The following RAPH1 variants were observed in gnomAD, a reference collection of about 807,000 sequenced individuals.
The protein encoded by RAPH1 is ras-associated and pleckstrin homology domains-containing protein 1.
A neutral mutation model predicts 88.1 loss-of-function variants in RAPH1; 18 were observed. The ratio of observed to expected loss-of-function variants is 0.20; its 90% CI spans 0.14 to 0.30. The LOEUF (loss-of-function observed/expected upper bound fraction) is 0.30, where lower values mean the gene tolerates loss of function less well. Among genes scored for constraint, RAPH1 ranks in the 10% least tolerant of loss-of-function variants. The probability of loss-of-function intolerance (pLI) is 1.00; values close to 1 mark genes in which losing one functional copy is unlikely to be tolerated. For synonymous variants in RAPH1, 587 were observed against 559.0 expected, an observed-to-expected ratio of 1.05 and a Z score of -0.71; for missense variants, 1,448 against 1,543.2, an observed-to-expected ratio of 0.94 and a Z score of 1.03.
intron 4 of RAPH1, among the ~76,000 whole-genome samples, chr2:203,486,524 G>A (rs1581339194): frequency 6.6e-6 from 1 of 152,156 alleles, no homozygotes; most frequent in African/African-American, 2.4e-5. Context: ...AAATGGCAAT[G>A]TGTATGTAGA....
chr2:203,535,300 G>GACT lies in RAPH1; in HGVS notation c.-191_-190insAGT, dbSNP rs1436649001. ...TGACTGACTGACTGACTGACTGACT[G>GACT]GCGGGCGGCGGCGGGAGCGGGGGCG... On this transcript the variant is annotated 5_prime_UTR_variant, in exon 1 of 14. Coordinates refer to ENST00000319170, the MANE Select transcript of RAPH1 (RefSeq NM_213589.3). 1.3e-5 allele frequency: 2 copies of GACT among 150,574 alleles called. No individual in the cohort carries two copies. Among genetic ancestry groups the GACT allele is most frequent in the African/African-American group, 4.9e-5 (2 of 41,064 alleles). 9.3% of individuals were successfully genotyped at this position (150,574 alleles called of 1,614,324 possible).
intron 1 of RAPH1, among the ~76,000 whole-genome samples, chr2:203,524,321 G>A (rs749399931): frequency 6.6e-6 from 1 of 152,102 alleles, no homozygotes; most frequent in Non-Finnish European, 1.5e-5. Context: ...GTCATATTAT[G>A]CTGTTGGATA....
rs367781822 is a variant in RAPH1 at position 203,445,057 on chromosome 2, C to G, written c.1634-47G>C. The G allele has an allele frequency of 5.1e-6, 8 of 1,555,368 alleles. No homozygotes were observed. The African/African-American group carries it at 1.1e-4, about 21-fold the overall frequency. ...ACATAGGTTTAAAAGAGTCAGTATT[C>G]TGACAATATTCATATGTATGTCTAG... On this transcript the variant is annotated intron_variant, in intron 12 of 13. Coordinates refer to ENST00000319170, the MANE Select transcript of RAPH1 (RefSeq NM_213589.3).
At chr2:203,501,409 T>C (rs772754291) in intron 1 of RAPH1, among the ~76,000 whole-genome samples, 10 of 152,218 alleles carry the variant, frequency 6.6e-5, no homozygotes, top group Non-Finnish European at 1.3e-4. Context: ...AATGAAGTGC[T>C]GTTATTTATA....
At chr2:203,477,160 T>A in intron 4 of RAPH1, 1 of 1,612,848 alleles carries the variant, frequency 6.2e-7, no homozygotes, top group Non-Finnish European at 8.5e-7. Flanking sequence ...TAGCATGCTG[T>A]GAAAATGCAG....
At chr2:203,450,038 A>AAG in intron 10 of RAPH1, among the ~76,000 whole-genome samples, 1 of 151,454 alleles carries the variant, frequency 6.6e-6, no homozygotes, top group African/African-American at 2.4e-5. Flanking sequence ...AAAAAAAAAA[A>AAG]CAAAGAAAGA....
chr2:203,495,430 ATATATAT>A (rs1486621349), intron 1 of RAPH1, 77 bp from the exon 2 acceptor site: 1 of 1,365,824 alleles, frequency 7.3e-7, no homozygotes, highest in Non-Finnish European at 1.0e-6. Flanking sequence ...ATATGCTCTG[ATATATAT>A]TATATGCCTC....
chr2:203,462,118 A>T (rs2098524644), intron 4 of RAPH1, among the ~76,000 whole-genome samples, 193 bp from the exon 5 acceptor site: 1 of 152,254 alleles, frequency 6.6e-6, no homozygotes, highest in South Asian at 2.1e-4. Flanking sequence ...GCAGACTTGA[A>T]GATGTCTTAC....
At chr2:203,474,277 G>C (rs1468790096) in intron 4 of RAPH1, among the ~76,000 whole-genome samples, 2 of 152,164 alleles carry the variant, frequency 1.3e-5, no homozygotes, top group East Asian at 3.8e-4. Flanking sequence ...CAATGAAGAG[G>C]AGAGGGAGAG....
chr2:203,506,779 T>A (rs185959609), intron 1 of RAPH1, among the ~76,000 whole-genome samples: 1,450 of 109,908 alleles, frequency 0.013, 179 homozygotes, highest in African/African-American at 0.061. Context: ...TCTATATATA[T>A]CTAGATATAT....
Position 203,464,478 on chromosome 2 carries a change from C to T in RAPH1, c.733-2553G>A, listed in dbSNP as rs546454536. 5.9e-4 allele frequency among the ~76,000 whole-genome samples: 90 copies of T among 152,256 alleles called. 1 individual carries two copies. Among genetic ancestry groups the T allele is most frequent in the African/African-American group, 2.0e-3 (84 of 41,540 alleles). On this transcript the variant is annotated intron_variant, in intron 4 of 13. Transcript: ENST00000319170. ...AAGAGACAGGGTTTCGCCATGTTGGCGAGACTGGTTTCAAACTCCTGACCT... is the reference window on the plus strand; with the variant it reads ...AAGAGACAGGGTTTCGCCATGTTGGTGAGACTGGTTTCAAACTCCTGACCT...
intron 1 of RAPH1, among the ~76,000 whole-genome samples, chr2:203,501,815 GA>G (rs56269110): frequency 0.48 from 51,283 of 106,510 alleles, 11,626 homozygotes; most frequent in Middle Eastern, 0.67. Context: ...TAAGCATTAT[GA>G]AAAAAAAAAA....
At chr2:203,479,468 G>A (rs535501959) in intron 4 of RAPH1, among the ~76,000 whole-genome samples, 1 of 152,132 alleles carries the variant, frequency 6.6e-6, no homozygotes, top group Admixed American at 6.6e-5. Flanking sequence ...GCCAGGGGTG[G>A]TGACTCGTGC....
In RAPH1 at chr2:203,437,663, C is replaced by T. The variant is rs1232509799; in HGVS notation, c.*1774G>A. ...GCAATGGAGAGGTGCTGTTCACTCT[C>T]TGTTTACGATGCGGTTTTCGTGGAG... On this transcript the variant is annotated 3_prime_UTR_variant, in exon 14 of 14. Coordinates refer to ENST00000319170, the MANE Select transcript of RAPH1 (RefSeq NM_213589.3). The T allele has an allele frequency of 6.5e-6, 1 of 153,412 alleles. No individual in the cohort carries two copies. Among genetic ancestry groups the T allele is most frequent in the African/African-American group, 2.4e-5 (1 of 41,462 alleles). 9.5% of individuals were successfully genotyped at this position (153,412 alleles called of 1,614,324 possible).
chr2:203,465,626 G>T (rs548944053), intron 4 of RAPH1, among the ~76,000 whole-genome samples: 26 of 152,336 alleles, frequency 1.7e-4, no homozygotes, highest in Non-Finnish European at 3.7e-4. Flanking sequence ...GGTGGCCCAT[G>T]CCTGTAATCC....
At chr2:203,528,712 T>C (rs754196925) in intron 1 of RAPH1, among the ~76,000 whole-genome samples, 1 of 152,058 alleles carries the variant, frequency 6.6e-6, no homozygotes, top group South Asian at 2.1e-4. Flanking sequence ...AAACTGTATA[T>C]GTTTATTCTA....
chr2:203,516,900 G>C (rs1689636610), intron 1 of RAPH1, among the ~76,000 whole-genome samples: 1 of 152,004 alleles, frequency 6.6e-6, no homozygotes, highest in Non-Finnish European at 1.5e-5. Flanking sequence ...TGGGCGTGGT[G>C]GTGGGCGCCT....
intron 1 of RAPH1, among the ~76,000 whole-genome samples, chr2:203,520,206 C>CCT (rs1689801986): frequency 6.6e-6 from 1 of 152,048 alleles, no homozygotes; most frequent in Non-Finnish European, 1.5e-5. Flanking sequence ...GTGGCAACCA[C>CCT]CTGTGGTCTC....
At chr2:203,491,724 T>C (rs1342057625) in intron 2 of RAPH1, among the ~76,000 whole-genome samples, 7 of 152,170 alleles carry the variant, frequency 4.6e-5, no homozygotes, top group Non-Finnish European at 1.5e-5. Flanking sequence ...GCCAGGCTGG[T>C]TGCAAACTTC....
Sources: gnomAD v4.1 joint callset for allele counts (sites outside exome capture counted in the v4.1 genomes callset) on GRCh38, gnomAD v4.1.1 for gene constraint, MANE v1.5 for transcripts, NCBI Gene and HGNC (gene_info 2026-07-23, HGNC 2026-07-21) for gene names.